Variants in DSTYK observed in about 807,000 individuals in gnomAD.
DSTYK encodes the protein dual serine/threonine and tyrosine protein kinase, also known as RIP-homologous kinase.
Under a neutral mutation model 98.7 loss-of-function variants are expected in DSTYK, and 34 were observed. The observed-to-expected ratio is 0.34, with a 90% confidence interval of 0.26 to 0.46. The LOEUF (loss-of-function observed/expected upper bound fraction) is 0.46. Ranked by LOEUF, DSTYK falls within the 20% of genes least tolerant of loss-of-function variation. The pLI is 1.00. For missense variants in DSTYK, 962 were observed against 1,181.7 expected (o/e 0.81, Z 2.73); for synonymous variants, 462 against 457.3 (o/e 1.01, Z -0.13).
intron 3 of DSTYK, among the ~76,000 whole-genome samples, chr1:205,164,610 C>T (rs529919402): frequency 2.5e-4 from 38 of 152,098 alleles, no homozygotes; most frequent in African/African-American, 6.5e-4. Flanking sequence ...TACAGGCACC[C>T]GCCACCACGC....
At chr1:205,156,161 C>T (rs1000783946) in intron 10 of DSTYK, among the ~76,000 whole-genome samples, 2 of 152,234 alleles carry the variant, frequency 1.3e-5, no homozygotes, top group African/African-American at 4.8e-5. Flanking sequence ...CATGGAGAAC[C>T]TTTGCTAGGG....
chr1:205,163,018 A>G lies in DSTYK; in HGVS notation c.1558-12T>C. 6.2e-7 allele frequency: 1 copy of G among 1,609,800 alleles called. No individual in the cohort carries two copies. The highest frequency in any genetic ancestry group is 8.5e-7 in the Non-Finnish European group (1 of 1,176,024). On this transcript the variant is annotated splice_polypyrimidine_tract_variant and intron_variant, in intron 4 of 12. Transcript: ENST00000367162. ...GCAGCATTTAAGATCTGAAAGAGAC[A>G]ACGCCAAAGAAAACATGTCCTCAGT...
At chr1:205,176,446 A>T (rs1427872647) in intron 2 of DSTYK, among the ~76,000 whole-genome samples, 1 of 130,398 alleles carries the variant, frequency 7.7e-6, no homozygotes, top group Non-Finnish European at 1.6e-5. Context: ...ATAGCACTCC[A>T]GCCTGGGCAA....
In DSTYK at chr1:205,163,879, G is replaced by A; in HGVS notation, c.1401C>T (p.Leu467=). ...CTGCCTGATTAAGTCGGGAGATGATGAGTTCCTGGATCTGTCGGATGCAGC... is the reference window on the plus strand; with the variant it reads ...CTGCCTGATTAAGTCGGGAGATGATAAGTTCCTGGATCTGTCGGATGCAGC... The part of the protein sequence containing the change: ...IKCCIRQIQE[L]IISRLNQAVA... The change falls in exon 4 of 13, where the codon CTC becomes CTT. Residue 467 remains leucine, a synonymous_variant. Transcript: ENST00000367162. The A allele has an allele frequency of 6.2e-7, 1 of 1,614,130 alleles. No homozygotes were observed. The highest frequency in any genetic ancestry group is 8.5e-7 in the Non-Finnish European group (1 of 1,180,024).
chr1:205,189,974 C>T (rs551069062), intron 1 of DSTYK, among the ~76,000 whole-genome samples: 2 of 152,348 alleles, frequency 1.3e-5, no homozygotes, highest in African/African-American at 4.8e-5. Context: ...CAAGAGGACA[C>T]AGCAAATTGC....
chr1:205,183,062 C>T (rs1450491249), intron 2 of DSTYK, among the ~76,000 whole-genome samples: 1 of 97,006 alleles, frequency 1.0e-5, no homozygotes, highest in Middle Eastern at 5.1e-3. Context: ...TATAGGTGTT[C>T]ACAGGAAAAA....
chr1:205,163,232 T>C lies in DSTYK; in HGVS notation c.1558-226A>G, dbSNP rs12732921. Among the ~76,000 whole-genome samples, 55 of 148,832 alleles carry C rather than the reference T, an allele frequency of 3.7e-4. 3 individuals are homozygous for C. The East Asian group carries it at 0.01, about 28-fold the overall frequency. ...ACTTATTTTTTTATTTTTTTTTTTA[T>C]TTTTTAGACAGAGTTTCACTCTTGT... On this transcript the variant is annotated intron_variant, in intron 4 of 12. Coordinates refer to ENST00000367162, the MANE Select transcript of DSTYK (RefSeq NM_015375.3).
intron 11 of DSTYK, among the ~76,000 whole-genome samples, chr1:205,148,600 T>C (rs997933107): frequency 1.3e-5 from 2 of 152,174 alleles, no homozygotes; most frequent in Non-Finnish European, 2.9e-5. Context: ...ATAAGGCCTT[T>C]CATTCTGCTA....
intron 1 of DSTYK, among the ~76,000 whole-genome samples, chr1:205,200,690 T>C (rs1659005730): frequency 6.6e-6 from 1 of 152,220 alleles, no homozygotes; most frequent in Non-Finnish European, 1.5e-5. Flanking sequence ...CCAATGCGTG[T>C]CCTGTGCCTA....
In DSTYK at chr1:205,157,365, G is replaced by A. The variant is rs377161801; in HGVS notation, c.2260C>T (p.Arg754Cys). The change falls in exon 10 of 13, where the codon CGT (arginine) becomes TGT (cysteine). Residue 754 changes from arginine (R) to cysteine (C), a missense_variant. Arg to Cys is a radical substitution (Grantham distance 180). Coordinates refer to ENST00000367162, the MANE Select transcript of DSTYK (RefSeq NM_015375.3). ...ACCACATCTAGTGCTATCTGCAAAC[G>A]TGTCTCCAGGGTCAGCCCAGCCTTG... is the stretch of plus-strand genomic sequence containing the variant. ...GLKAGLTLET[R>C]LQIALDVVEG... 23 of 1,614,008 alleles carry A rather than the reference G, an allele frequency of 1.4e-5. No homozygotes were observed. Among genetic ancestry groups the A allele is most frequent in the Non-Finnish European group, 1.8e-5 (21 of 1,180,012 alleles).
rs1303176640 is a variant in DSTYK at position 205,211,330 on chromosome 1, C to T, written c.206G>A (p.Gly69Asp). The change falls in exon 1 of 13, where the codon GGC becomes GAC. Residue 69 changes from glycine (G) to aspartate (D), a missense_variant. Gly to Asp is a moderately conservative substitution (Grantham distance 94). Around this residue, in one of 4 missense-constraint regions of DSTYK, gnomAD observed 168 missense variants for 120.0 expected, o/e 1.40. Transcript: ENST00000367162. ...AGGGCCGCGCTCGGCCCCGCCGCCG[C>T]CCGTGAGGGAGGAGAGACAAGTGTG... Reference protein sequence around the residue: ...HNHTCLSSLTGGGGAERGPAG... With the variant: ...HNHTCLSSLTDGGGAERGPAG... 9.9e-6 allele frequency: 16 copies of T among 1,611,290 alleles called. No individual in the cohort carries two copies. Among genetic ancestry groups the T allele is most frequent in the Non-Finnish European group, 1.4e-5 (16 of 1,179,022 alleles).
chr1:205,191,151 G>A (rs1483138020), intron 1 of DSTYK, among the ~76,000 whole-genome samples: 1 of 152,162 alleles, frequency 6.6e-6, no homozygotes, highest in Non-Finnish European at 1.5e-5. Context: ...AGTAGGAAAG[G>A]GTGCTGAAGT....
intron 2 of DSTYK, among the ~76,000 whole-genome samples, chr1:205,172,833 G>A (rs1355068612): frequency 6.6e-6 from 1 of 152,064 alleles, no homozygotes. Flanking sequence ...CCCAAGCCAA[G>A]AAGAAATTTG....
chr1:205,209,586 A>G (rs929285428), intron 1 of DSTYK, among the ~76,000 whole-genome samples: 1 of 143,022 alleles, frequency 7.0e-6, no homozygotes. Flanking sequence ...TTGGATAGGA[A>G]TTTAAAAAGC....
At chr1:205,151,215 CAGTG>C (rs200551463) in intron 10 of DSTYK, among the ~76,000 whole-genome samples, 1,905 of 152,206 alleles carry the variant, frequency 0.013, 43 homozygotes, top group African/African-American at 0.044. Flanking sequence ...CTGGGTGAGT[CAGTG>C]AGTGAGTGGT....
At chr1:205,206,875 T>C (rs1418981847) in intron 1 of DSTYK, among the ~76,000 whole-genome samples, 1 of 151,626 alleles carries the variant, frequency 6.6e-6, no homozygotes, top group Non-Finnish European at 1.5e-5. Flanking sequence ...GCCCAGGTCC[T>C]GTTCTAAACA....
At chr1:205,209,502 C>T (rs1309914090) in intron 1 of DSTYK, among the ~76,000 whole-genome samples, 3 of 106,780 alleles carry the variant, frequency 2.8e-5, no homozygotes, top group Non-Finnish European at 7.4e-5. Flanking sequence ...ACTAGTCATC[C>T]CCAGAAATGG....
At chr1:205,183,510 C>T (rs1367692682) in intron 2 of DSTYK, among the ~76,000 whole-genome samples, 1 of 152,170 alleles carries the variant, frequency 6.6e-6, no homozygotes, top group African/African-American at 2.4e-5. Context: ...GAAGAATGAC[C>T]ATTGTATAAG....
chr1:205,190,371 T>C (rs1310387773), intron 1 of DSTYK, among the ~76,000 whole-genome samples: 2 of 151,992 alleles, frequency 1.3e-5, no homozygotes, highest in Non-Finnish European at 2.9e-5. Flanking sequence ...ACACCTGTAA[T>C]CCCAGCAGTC....
Sources: allele counts gnomAD v4.1 joint callset (sites outside exome capture counted in the v4.1 genomes callset), GRCh38; gene constraint gnomAD v4.1.1; regional missense constraint gnomAD v4.1.1; transcripts MANE v1.5; gene names NCBI Gene and HGNC (gene_info 2026-07-23, HGNC 2026-07-21).